The following FGF1 variants were observed in gnomAD, a reference collection of about 807,000 sequenced individuals.
FGF1 encodes the protein fibroblast growth factor 1, also known as beta-endothelial cell growth factor.
FGF1 carries 9 observed loss-of-function variants against 13.4 expected under a neutral mutation model. The observed-to-expected ratio is 0.67, with a 90% CI of 0.40 to 1.17. The LOEUF (loss-of-function observed/expected upper bound fraction) is 1.17. Ranked by LOEUF, FGF1 falls within the 50% of genes most tolerant of loss-of-function variation. FGF1 has a pLI of 0.01. For synonymous variants in FGF1, 93 were observed against 79.0 expected, an observed-to-expected ratio of 1.18 and a Z score of -0.94; for missense variants, 156 against 192.7, an observed-to-expected ratio of 0.81 and a Z score of 1.13.
chr5:142,649,805 T>G (rs927178170), intron 1 of FGF1, among the ~76,000 whole-genome samples: 2 of 152,248 alleles, frequency 1.3e-5, no homozygotes, highest in Non-Finnish European at 2.9e-5. Flanking sequence ...TCTTTTAAAC[T>G]TTCTGACTTT....
chr5:142,597,449 G>A (rs1223839855), intron 3 of FGF1, among the ~76,000 whole-genome samples: 3 of 152,078 alleles, frequency 2.0e-5, no homozygotes, highest in Non-Finnish European at 4.4e-5. Flanking sequence ...CAGCCACAAC[G>A]TATTAAAGAG....
chr5:142,680,061 C>T (rs989130395), intron 1 of FGF1: 1 of 152,216 alleles, frequency 6.6e-6, no homozygotes, highest in Non-Finnish European at 1.5e-5. Flanking sequence ...CTCACTTTGT[C>T]TTCTCTCTAT....
rs371453568 is a variant in FGF1, at chr5:142,646,151, C to T, written c.-34-31990G>A. ...GTCTCGATCTCCTGACCTCGTGATC[C>T]GCCTGCCTCGGCCTCCCAAAGTGCT... On this transcript the variant is annotated intron_variant, in intron 1 of 3. Transcript: ENST00000337706. 1.3e-4 allele frequency among the ~76,000 whole-genome samples: 19 copies of T among 150,590 alleles called. No homozygotes were observed. In the East Asian group the frequency reaches 1.4e-3, roughly 11 times the overall value.
At chr5:142,608,581 TATACAC>T (rs1442750297) in intron 2 of FGF1, among the ~76,000 whole-genome samples, 25 of 63,418 alleles carry the variant, frequency 3.9e-4, no homozygotes, top group African/African-American at 1.7e-3. Flanking sequence ...TATATATATA[TATACAC>T]ACACACACAC....
chr5:142,642,225 A>G (rs926607048), intron 1 of FGF1, among the ~76,000 whole-genome samples: 1 of 152,184 alleles, frequency 6.6e-6, no homozygotes, highest in Non-Finnish European at 1.5e-5. Flanking sequence ...TACCTCCAGG[A>G]CCAGGAATGG....
At chr5:142,680,250 A>G (rs1342175163) in intron 1 of FGF1, among the ~76,000 whole-genome samples, 1 of 152,212 alleles carries the variant, frequency 6.6e-6, no homozygotes, top group East Asian at 1.9e-4. Context: ...ACCTACCACC[A>G]CATGTCCATT....
intron 1 of FGF1, among the ~76,000 whole-genome samples, chr5:142,627,501 G>A (rs1271329124): frequency 6.6e-6 from 1 of 152,228 alleles, no homozygotes; most frequent in African/African-American, 2.4e-5. Context: ...TGGAAGAACA[G>A]TTAGCAATCC....
intron 2 of FGF1, among the ~76,000 whole-genome samples, chr5:142,696,990 G>A (rs1041413516): frequency 1.3e-5 from 2 of 152,198 alleles, no homozygotes; most frequent in African/African-American, 2.4e-5. Context: ...AGGGGAGACC[G>A]AGGCTGCAAA....
intron 1 of FGF1, among the ~76,000 whole-genome samples, chr5:142,624,329 A>T (rs1368676175): frequency 6.6e-6 from 1 of 152,226 alleles, no homozygotes; most frequent in Non-Finnish European, 1.5e-5. Flanking sequence ...GGCTTCACAA[A>T]GTGCTGGGAT....
chr5:142,682,326 C>T (rs1424870998), intron 1 of FGF1, among the ~76,000 whole-genome samples: 1 of 152,154 alleles, frequency 6.6e-6, no homozygotes, highest in Non-Finnish European at 1.5e-5. Flanking sequence ...TCAGGTGATC[C>T]ACCCGCCTTG....
intron 1 of FGF1, among the ~76,000 whole-genome samples, chr5:142,625,238 C>G (rs1305165207): frequency 6.6e-6 from 1 of 151,776 alleles, no homozygotes. Context: ...GTTATCTAAT[C>G]CAGCTGTGTC....
intron 2 of FGF1, among the ~76,000 whole-genome samples, chr5:142,608,926 C>T (rs1393163993): frequency 4.0e-5 from 6 of 151,786 alleles, no homozygotes; most frequent in African/African-American, 7.3e-5. Flanking sequence ...AACCCTGTCG[C>T]GGAGTACATT....
rs982445593 is a variant in FGF1 at position 142,593,045 on chromosome 5, C to T, written c.*2245G>A. The T allele has an allele frequency of 6.6e-6, 1 of 152,202 alleles. No individual in the cohort carries two copies. Among genetic ancestry groups the T allele is most frequent in the Non-Finnish European group, 1.5e-5 (1 of 68,032 alleles). 9.4% of individuals were successfully genotyped at this position (152,202 alleles called of 1,614,324 possible). On this transcript the variant is annotated 3_prime_UTR_variant, in exon 4 of 4. Coordinates refer to ENST00000337706, the MANE Select transcript of FGF1 (RefSeq NM_000800.5). ...CATTGAACAGATATATGAATGATAT[C>T]TGGGCTGAGATGGTCGAGGTCACAT...
intron 1 of FGF1, among the ~76,000 whole-genome samples, chr5:142,653,984 C>T (rs1209360038): frequency 1.3e-5 from 2 of 152,142 alleles, no homozygotes; most frequent in Non-Finnish European, 2.9e-5. Flanking sequence ...CCCGGCTACT[C>T]GGGAGGCTGA....
At chr5:142,628,458 C>CGCTCACTCACTGCAATG (rs1260995478) in intron 1 of FGF1, among the ~76,000 whole-genome samples, 4 of 152,162 alleles carry the variant, frequency 2.6e-5, no homozygotes, top group Non-Finnish European at 5.9e-5. Flanking sequence ...TGCAGTGAGC[C>CGCTCACTCACTGCAATG]GAGATCGCAC....
intron 3 of FGF1, among the ~76,000 whole-genome samples, chr5:142,599,507 C>T (rs1756018292): frequency 6.6e-6 from 1 of 152,144 alleles, no homozygotes; most frequent in Non-Finnish European, 1.5e-5. Context: ...TTTTTGAAGA[C>T]ATCTTCATAA....
At chr5:142,641,382 T>C (rs1220499308) in intron 1 of FGF1, among the ~76,000 whole-genome samples, 2 of 152,068 alleles carry the variant, frequency 1.3e-5, no homozygotes, top group Non-Finnish European at 2.9e-5. Flanking sequence ...CATTTCCTTT[T>C]TCTGTGGGGG....
intron 1 of FGF1, among the ~76,000 whole-genome samples, chr5:142,653,823 G>T (rs540972916): frequency 2.6e-5 from 4 of 152,188 alleles, no homozygotes; most frequent in Non-Finnish European, 5.9e-5. Flanking sequence ...GCCTGGTGCC[G>T]TGGCTCACGC....
intron 3 of FGF1, among the ~76,000 whole-genome samples, chr5:142,598,419 C>T (rs1319842265): frequency 1.3e-5 from 2 of 152,124 alleles, no homozygotes; most frequent in African/African-American, 2.4e-5. Context: ...TGATTCATGT[C>T]TATTGTTTAA....
Sources: gnomAD v4.1 joint callset for allele counts (sites outside exome capture counted in the v4.1 genomes callset) on GRCh38, gnomAD v4.1.1 for gene constraint, MANE v1.5 for transcripts, NCBI Gene and HGNC (gene_info 2026-07-23, HGNC 2026-07-21) for gene names.